CDC73: variants seen among roughly 807,000 people sequenced by gnomAD.
CDC73 encodes parafibromin.
Under a neutral mutation model 83.7 loss-of-function variants are expected in CDC73, and 21 were observed. The ratio of observed to expected loss-of-function variants is 0.25; its 90% CI spans 0.18 to 0.36. CDC73 has a LOEUF of 0.36. Among genes scored for constraint, CDC73 ranks in the 10% least tolerant of loss-of-function variants. CDC73 has a pLI of 1.00. For missense variants in CDC73, 342 were observed against 653.3 expected (o/e 0.52, Z 5.19); for synonymous variants, 224 against 212.9 (o/e 1.05, Z -0.45).
At chr1:193,224,782 A>AT (rs1677537903) in intron 13 of CDC73, among the ~76,000 whole-genome samples, 1 of 152,162 alleles carries the variant, frequency 6.6e-6, no homozygotes, top group African/African-American at 2.4e-5. Flanking sequence ...TTTCAGACCA[A>AT]TTTTTTAGCT....
rs1677149771 is a variant in CDC73 at position 193,204,331 on chromosome 1, C to G, written c.1030+479C>G. ...TTGAGACAGAGTCTTGCTCTGTCAC[C>G]CAGGCTGGAGTACACTGGCGCCATC... On this transcript the variant is annotated intron_variant, in intron 11 of 16. Coordinates refer to ENST00000367435, the MANE Select transcript of CDC73 (RefSeq NM_024529.5). 2.7e-5 allele frequency among the ~76,000 whole-genome samples: 4 copies of G among 147,730 alleles called. No individual in the cohort carries two copies. The Admixed American group carries it at 2.7e-4, about 10-fold the overall frequency.
At position 193,253,369 on chromosome 1, in the gene CDC73, C is replaced by T. The variant is rs1360723768; in HGVS notation, c.*2657C>T. ...ACAGTACCAGTATTAAATGTGTTTCCTCTTCCTTCTTTTCTGTATGTATGT... is the reference window on the plus strand; with the variant it reads ...ACAGTACCAGTATTAAATGTGTTTCTTCTTCCTTCTTTTCTGTATGTATGT... On this transcript the variant is annotated 3_prime_UTR_variant, in exon 17 of 17. Transcript: ENST00000367435. 8.6e-6 allele frequency: 2 copies of T among 231,624 alleles called. No homozygotes were observed. Among genetic ancestry groups the T allele is most frequent in the South Asian group, 1.8e-4 (1 of 5,490 alleles). 14.3% of individuals were successfully genotyped at this position (231,624 alleles called of 1,614,324 possible).
intron 10 of CDC73, among the ~76,000 whole-genome samples, chr1:193,193,154 G>GT (rs1676946755): frequency 6.6e-6 from 1 of 152,192 alleles, no homozygotes; most frequent in Non-Finnish European, 1.5e-5. Context: ...AAGAGATAAT[G>GT]TTTGACTTTT....
At chr1:193,244,533 G>T (rs904326415) in intron 15 of CDC73, among the ~76,000 whole-genome samples, 2 of 152,170 alleles carry the variant, frequency 1.3e-5, no homozygotes, top group African/African-American at 4.8e-5. Context: ...GGCCTACATA[G>T]TGAGACCCTG....
At chr1:193,200,159 G>A (rs900049601) in intron 10 of CDC73, among the ~76,000 whole-genome samples, 5 of 152,006 alleles carry the variant, frequency 3.3e-5, no homozygotes, top group African/African-American at 1.2e-4. Flanking sequence ...CAGAGGTCAA[G>A]GCTGCAGTGA....
chr1:193,181,416 C>T, intron 10 of CDC73: 1 of 1,614,060 alleles, frequency 6.2e-7, no homozygotes, highest in Non-Finnish European at 8.5e-7. Context: ...CTCTGCCTGG[C>T]AGCCAGTCAT....
chr1:193,135,280 A>G, intron 3 of CDC73, 111 bp from the exon 4 acceptor site: 2 of 863,904 alleles, frequency 2.3e-6, no homozygotes, highest in Non-Finnish European at 3.8e-6. Flanking sequence ...TTTTACCTAG[A>G]GAAAATCACC....
chr1:193,129,774 A>C (rs1040578789), intron 2 of CDC73, among the ~76,000 whole-genome samples: 2 of 152,038 alleles, frequency 1.3e-5, no homozygotes, highest in Non-Finnish European at 2.9e-5. Flanking sequence ...CAGCCTCCCA[A>C]AGTGCTGGGA....
At chr1:193,236,719 A>C in intron 15 of CDC73, 2 of 262,450 alleles carry the variant, frequency 7.6e-6, no homozygotes, top group Admixed American at 4.9e-5. Context: ...ACATGATGAA[A>C]CCCTGTCTCT....
chr1:193,230,457 ATTTTTTTTTTTTTTTT>A (rs752027731), intron 13 of CDC73, among the ~76,000 whole-genome samples: 4 of 90,716 alleles, frequency 4.4e-5, no homozygotes, highest in South Asian at 3.2e-4. Flanking sequence ...CTAATCCCGT[ATTTTTTTTTTTTTTTT>A]TTTTTTTTTT....
intron 7 of CDC73, among the ~76,000 whole-genome samples, chr1:193,147,066 C>T (rs1382727460): frequency 6.6e-6 from 1 of 151,860 alleles, no homozygotes; most frequent in East Asian, 1.9e-4. Context: ...TATCACGGCT[C>T]ACTGCAAGCT....
chr1:193,122,934 C>T (rs1402195177), intron 1 of CDC73, among the ~76,000 whole-genome samples: 1 of 152,090 alleles, frequency 6.6e-6, no homozygotes, highest in African/African-American at 2.4e-5. Flanking sequence ...AATGAGTGAG[C>T]TTTACAGATC....
At chr1:193,148,167 T>C (rs770062477) in intron 8 of CDC73, among the ~76,000 whole-genome samples, 3 of 152,228 alleles carry the variant, frequency 2.0e-5, no homozygotes, top group Non-Finnish European at 4.4e-5. Flanking sequence ...GGAGCAGTAA[T>C]TCTTAATATA....
Position 193,140,675 on chromosome 1 carries a change from C to T in CDC73, c.513-1175C>T, listed in dbSNP as rs552721714. On this transcript the variant is annotated intron_variant, in intron 6 of 16. Coordinates refer to ENST00000367435, the MANE Select transcript of CDC73 (RefSeq NM_024529.5). Reference sequence around the variant, plus strand: ...ACAGGCAGTGTATACAGTATGGATACATTGGACAAAGGGATCATTCGTGTC... The same window carrying T: ...ACAGGCAGTGTATACAGTATGGATATATTGGACAAAGGGATCATTCGTGTC... Among the ~76,000 whole-genome samples, 22 of 152,280 alleles carry T rather than the reference C, an allele frequency of 1.4e-4. No individual in the cohort carries two copies. The East Asian group carries it at 4.1e-3, about 28-fold the overall frequency.
intron 10 of CDC73, among the ~76,000 whole-genome samples, chr1:193,188,642 A>C (rs1434794787): frequency 1.3e-5 from 2 of 152,146 alleles, no homozygotes; most frequent in African/African-American, 4.8e-5. Context: ...TTTCTCCAGG[A>C]AAGGACTAAA....
chr1:193,150,014 T>C (rs1437246006), intron 8 of CDC73, among the ~76,000 whole-genome samples: 1 of 152,176 alleles, frequency 6.6e-6, no homozygotes, highest in Non-Finnish European at 1.5e-5. Context: ...TGGTGGCTCA[T>C]GCCTGTAATC....
intron 10 of CDC73, among the ~76,000 whole-genome samples, chr1:193,197,134 T>C (rs879805868): frequency 1.3e-5 from 2 of 152,238 alleles, no homozygotes; most frequent in Non-Finnish European, 2.9e-5. Context: ...AATTTTTAAA[T>C]GTTTTAATGA....
chr1:193,244,650 A>G (rs935811415), intron 15 of CDC73, among the ~76,000 whole-genome samples: 7 of 152,308 alleles, frequency 4.6e-5, no homozygotes, highest in East Asian at 1.9e-4. Flanking sequence ...GCTTGCTTCC[A>G]TCTTGGAATC....
intron 15 of CDC73, among the ~76,000 whole-genome samples, chr1:193,248,357 A>G (rs1387528666): frequency 1.3e-5 from 2 of 152,266 alleles, no homozygotes; most frequent in Middle Eastern, 3.4e-3. Context: ...GTGCTGATTG[A>G]CAATGTACCT....
Sources: allele counts gnomAD v4.1 joint callset (sites outside exome capture counted in the v4.1 genomes callset), GRCh38; gene constraint gnomAD v4.1.1; transcripts MANE v1.5; gene names NCBI Gene and HGNC (gene_info 2026-07-23, HGNC 2026-07-21).